Variants in ZC3H3 observed in about 807,000 individuals in gnomAD.
ZC3H3 encodes the protein zinc finger CCCH-type containing 3, also known as zinc finger CCCH domain-containing protein 3.
In ZC3H3, 36 loss-of-function variants were observed where a neutral mutation model predicts 77.3. That is an observed-to-expected ratio of 0.47 (90% CI 0.36 to 0.61). The LOEUF (loss-of-function observed/expected upper bound fraction) is 0.61, where lower values mean the gene tolerates loss of function less well. Among genes scored for constraint, ZC3H3 ranks in the 20% least tolerant of loss-of-function variants. The probability of loss-of-function intolerance (pLI) is 0.00; values close to 1 mark genes in which losing one functional copy is unlikely to be tolerated. For missense variants in ZC3H3, 1,331 were observed against 1,312.2 expected (o/e 1.01, Z -0.22); for synonymous variants, 626 against 555.2 (o/e 1.13, Z -1.79).
Position 143,479,937 on chromosome 8 carries a change from C to T in ZC3H3, c.1716-4352G>A, listed in dbSNP as rs76340495. Among the ~76,000 whole-genome samples the T allele has an allele frequency of 5.6e-3, 858 of 152,356 alleles. 6 individuals carry two copies. The highest frequency in any genetic ancestry group is 0.018 in the African/African-American group (764 of 41,592). On this transcript the variant is annotated intron_variant, in intron 4 of 11. Transcript: ENST00000262577. ...GTACTGCCTTAGGAGTAGCTGGAAA[C>T]TTGCAGGCCAGAGGCTGCCCGGGCT...
At chr8:143,463,741 C>A (rs546937522) in intron 9 of ZC3H3, among the ~76,000 whole-genome samples, 3 of 152,204 alleles carry the variant, frequency 2.0e-5, no homozygotes, top group African/African-American at 7.2e-5. Context: ...GAGGACTCTG[C>A]GTCTCCGGGT....
intron 9 of ZC3H3, among the ~76,000 whole-genome samples, chr8:143,448,673 A>G (rs1819917722): frequency 6.6e-6 from 1 of 152,200 alleles, no homozygotes; most frequent in African/African-American, 2.4e-5. Flanking sequence ...TTCCAGGTGC[A>G]TGGTGCAAGC....
rs1215833948 is a variant in ZC3H3, at chr8:143,530,802, T to C, written c.1561+5455A>G. 6.6e-6 allele frequency among the ~76,000 whole-genome samples: 1 copy of C among 152,048 alleles called. No homozygotes were observed. Among genetic ancestry groups the C allele is most frequent in the Middle Eastern group, 3.2e-3 (1 of 316 alleles). On this transcript the variant is annotated intron_variant, in intron 3 of 11. Transcript: ENST00000262577. This position sits in a 1 kb window ranked among gnomAD's most constrained non-coding sequence, Gnocchi z 4.3. ...TATGTGAGTGGCAAACAGGACACCA[T>C]TTTTCAGACTCCAAAAAGGTTTTCT...
intron 9 of ZC3H3, among the ~76,000 whole-genome samples, chr8:143,448,305 TAA>T (rs1210664735): frequency 1.2e-4 from 16 of 136,454 alleles, no homozygotes; most frequent in African/African-American, 3.0e-4. Flanking sequence ...AAACTCTGTC[TAA>T]AAAAAAAAAA....
At chr8:143,457,838 G>C (rs1316813747) in intron 9 of ZC3H3, among the ~76,000 whole-genome samples, 1 of 152,148 alleles carries the variant, frequency 6.6e-6, no homozygotes, top group Non-Finnish European at 1.5e-5. Context: ...CTGCACTCCA[G>C]CCTGGGTGAG....
At chr8:143,503,928 C>T (rs73369484) in intron 4 of ZC3H3, among the ~76,000 whole-genome samples, 2,682 of 152,312 alleles carry the variant, frequency 0.018, 86 homozygotes, top group African/African-American at 0.061. Flanking sequence ...TCCAGCCTTC[C>T]ACATGGGCCC....
chr8:143,529,155 G>A (rs182322680), intron 3 of ZC3H3, among the ~76,000 whole-genome samples: 24 of 152,346 alleles, frequency 1.6e-4, no homozygotes, highest in Non-Finnish European at 3.1e-4. Context: ...GAGCAAGCCG[G>A]GCCTTCGAGG....
At position 143,538,529 on chromosome 8, in the gene ZC3H3, C is replaced by G. The variant is rs764423368; in HGVS notation, c.838G>C (p.Gly280Arg). The change falls in exon 2 of 12, where the codon GGG becomes CGG. Residue 280 changes from glycine to arginine, a missense_variant. Gly to Arg is a moderately radical substitution (Grantham distance 125, BLOSUM62 -2). Coordinates refer to ENST00000262577, the MANE Select transcript of ZC3H3 (RefSeq NM_015117.3). ...TDQPVPSGSV[G>R]GPARPASGPR... ...CCTGAGGCCGGTCTGGCGGGGCCCCCCACTGAGCCAGACGGAACTGGCTGA... is the reference window on the plus strand; with the variant it reads ...CCTGAGGCCGGTCTGGCGGGGCCCCGCACTGAGCCAGACGGAACTGGCTGA... 6.2e-7 allele frequency: 1 copy of G among 1,612,192 alleles called. No individual in the cohort carries two copies. Among genetic ancestry groups the G allele is most frequent in the Admixed American group, 1.7e-5 (1 of 60,034 alleles).
At chr8:143,525,526 G>A (rs536520182) in intron 3 of ZC3H3, among the ~76,000 whole-genome samples, 1 of 152,340 alleles carries the variant, frequency 6.6e-6, no homozygotes, top group African/African-American at 2.4e-5. Flanking sequence ...TCTCAGCTGG[G>A]AGCCGAGAGA....
rs767567071 is a variant in ZC3H3 at position 143,507,765 on chromosome 8, G to A, written c.1696C>T (p.Arg566Trp). 21 of 1,585,584 alleles carry A rather than the reference G, an allele frequency of 1.3e-5. No individual in the cohort carries two copies. The highest frequency in any genetic ancestry group is 2.3e-5 in the East Asian group (1 of 44,286). Residue 566 changes from arginine (R) to tryptophan (W), a missense_variant, in exon 4 of 12, where the codon CGG becomes TGG. This residue lies in a region of ZC3H3 where 978 missense variants were observed against 915.5 expected (regional missense o/e 1.07). Coordinates refer to ENST00000262577, the MANE Select transcript of ZC3H3 (RefSeq NM_015117.3). ...FPLSLPSWRA[R>W]RLSLSRSLVL... ...TCCTACCTGGATAGTGAGAGCCGCC[G>A]GGCCCGCCAGGAGGGCAGAGACAGG...
intron 3 of ZC3H3, among the ~76,000 whole-genome samples, chr8:143,527,297 A>G (rs1255986724): frequency 6.6e-6 from 1 of 152,166 alleles, no homozygotes; most frequent in Admixed American, 6.5e-5. Context: ...TGGGCTGGGA[A>G]GAGAGGGACA....
At position 143,533,904 on chromosome 8, in the gene ZC3H3, G is replaced by C. The variant is rs1429147824; in HGVS notation, c.1561+2353C>G. Among the ~76,000 whole-genome samples the C allele has an allele frequency of 1.3e-5, 2 of 151,996 alleles. No individual in the cohort carries two copies. Among genetic ancestry groups the C allele is most frequent in the Non-Finnish European group, 2.9e-5 (2 of 68,000 alleles). Reference sequence around the variant, plus strand: ...TTGCCAAGGCTGGTCTTGAACTCCTGACCTCAGGTGATCCACCCGCCTCGG... The same window carrying C: ...TTGCCAAGGCTGGTCTTGAACTCCTCACCTCAGGTGATCCACCCGCCTCGG... On this transcript the variant is annotated intron_variant, in intron 3 of 11. Transcript: ENST00000262577. The surrounding 1 kb of genome is among the most constrained non-coding windows in gnomAD (Gnocchi z 4.0).
In ZC3H3 at chr8:143,516,560, CACACACAT is replaced by C. The variant is rs746576373; in HGVS notation, c.1562-8669_1562-8662del. ...ACACACACACACACACACACACACA[CACACACAT>C]ACACACACACACTCACTCTCATGCA... On this transcript the variant is annotated intron_variant, in intron 3 of 11. Transcript: ENST00000262577. Among the ~76,000 whole-genome samples the C allele has an allele frequency of 3.3e-3, 261 of 78,524 alleles. 2 individuals carry two copies. Among genetic ancestry groups the C allele is most frequent in the African/African-American group, 0.011 (188 of 17,540 alleles). The allele number at this position is 78,524 out of a possible 152,430, so 51.5% of individuals were successfully genotyped here. A position where few individuals can be genotyped will look rare whatever the true frequency, so the allele number is the denominator to read the frequency against.
At position 143,533,513 on chromosome 8, in the gene ZC3H3, A is replaced by G. The variant is rs2130505305; in HGVS notation, c.1561+2744T>C. Among the ~76,000 whole-genome samples, 1 of 152,044 alleles carries G rather than the reference A, an allele frequency of 6.6e-6. No homozygotes were observed. Among genetic ancestry groups the G allele is most frequent in the South Asian group, 2.1e-4 (1 of 4,806 alleles). ...ACCACTGGAAGGCGGCTCCAGCCTC[A>G]TCATCTCTTCACCTTCACTGCAGTA... On this transcript the variant is annotated intron_variant, in intron 3 of 11. Transcript: ENST00000262577. The surrounding 1 kb of genome is among the most constrained non-coding windows in gnomAD (Gnocchi z 4.0).
intron 3 of ZC3H3, among the ~76,000 whole-genome samples, chr8:143,529,263 G>A (rs1255901917): frequency 6.6e-6 from 1 of 152,120 alleles, no homozygotes; most frequent in Non-Finnish European, 1.5e-5. Flanking sequence ...GGGGACAGAG[G>A]GACAGAGGGG....
chr8:143,464,243 A>C (rs1820348138), intron 9 of ZC3H3, among the ~76,000 whole-genome samples: 1 of 152,244 alleles, frequency 6.6e-6, no homozygotes, highest in African/African-American at 2.4e-5. Flanking sequence ...CACTAATAGA[A>C]GCAGGACCTA....
In ZC3H3 at chr8:143,475,434, G is replaced by A; in HGVS notation, c.1867C>T (p.Pro623Ser). 8 of 1,613,092 alleles carry A rather than the reference G, an allele frequency of 5.0e-6. No individual in the cohort carries two copies. Among genetic ancestry groups the A allele is most frequent in the African/African-American group, 1.3e-5 (1 of 75,042 alleles). Reference sequence around the variant, plus strand: ...AGGGGCCTGCTGCCCGCATCACTGGGCTGGCCGGAGGTCTTGGAGAGCTTG... The same window carrying A: ...AGGGGCCTGCTGCCCGCATCACTGGACTGGCCGGAGGTCTTGGAGAGCTTG... ...ANKLSKTSGQPSDAGSRPLLR... is the reference protein window; with the variant it reads ...ANKLSKTSGQSSDAGSRPLLR... Residue 623 changes from proline to serine, a missense_variant, in exon 5 of 12, where the codon CCC becomes TCC. By Grantham distance (74) the Pro-to-Ser change is moderately conservative. This residue lies in a region of ZC3H3 where 978 missense variants were observed against 915.5 expected (regional missense o/e 1.07). Coordinates refer to ENST00000262577, the MANE Select transcript of ZC3H3 (RefSeq NM_015117.3).
intron 3 of ZC3H3, among the ~76,000 whole-genome samples, chr8:143,513,466 G>A (rs1821935769): frequency 6.6e-6 from 1 of 152,194 alleles, no homozygotes. Flanking sequence ...CCCCACGCTG[G>A]AGACTCTCAG....
At chr8:143,439,028 G>A (rs1819655654) in intron 11 of ZC3H3, among the ~76,000 whole-genome samples, 1 of 151,792 alleles carries the variant, frequency 6.6e-6, no homozygotes, top group Non-Finnish European at 1.5e-5. Flanking sequence ...CCCAGGCCCC[G>A]CCCAAGGTGC....
Sources: allele counts gnomAD v4.1 joint callset (sites outside exome capture counted in the v4.1 genomes callset), GRCh38; gene constraint gnomAD v4.1.1; regional missense constraint gnomAD v4.1.1; non-coding constraint Gnocchi (gnomAD v3.1); transcripts MANE v1.5; gene names NCBI Gene and HGNC (gene_info 2026-07-23, HGNC 2026-07-21).